Variants in VRK2 observed in about 807,000 individuals in gnomAD.
VRK2 encodes the protein VRK serine/threonine kinase 2.
In VRK2, 60 loss-of-function variants were observed where a neutral mutation model predicts 57.6. The observed-to-expected ratio is 1.04, with a 90% CI of 0.85 to 1.29. The LOEUF (loss-of-function observed/expected upper bound fraction) is 1.29, where lower values mean the gene tolerates loss of function less well. Ranked by LOEUF, VRK2 falls within the 50% of genes most tolerant of loss-of-function variation. The pLI is 0.00. For missense variants in VRK2, 705 were observed against 588.1 expected (o/e 1.20, Z -2.06); for synonymous variants, 231 against 199.2 (o/e 1.16, Z -1.35).
At chr2:57,988,224 C>T (rs1213038056) in intron 1 of VRK2, among the ~76,000 whole-genome samples, 1 of 152,178 alleles carries the variant, frequency 6.6e-6, no homozygotes, top group African/African-American at 2.4e-5. Flanking sequence ...TTTATGTTTT[C>T]TCTTCCATTT....
chr2:58,053,033 A>G (rs1332742314), intron 2 of VRK2, among the ~76,000 whole-genome samples: 1 of 152,224 alleles, frequency 6.6e-6, no homozygotes, highest in Non-Finnish European at 1.5e-5. Context: ...TGTCAAGCAC[A>G]GAATAGATGT....
rs542058052 is a variant in VRK2, at chr2:57,954,870, T to C, written c.-439+47031T>C. On this transcript the variant is annotated intron_variant, in intron 1 of 15. Transcript: ENST00000417641. ...AATTTTTACACAAAAGTCAGCAACA[T>C]AGAAAGATAGAATCTCACAGAAAAA... 7.2e-5 allele frequency among the ~76,000 whole-genome samples: 11 copies of C among 152,182 alleles called. No individual in the cohort carries two copies. In the South Asian group the frequency reaches 2.1e-3, roughly 29 times the overall value.
chr2:58,083,924 C>T (rs547898123), intron 2 of VRK2, among the ~76,000 whole-genome samples, 165 bp from the exon 3 acceptor site: 1 of 151,864 alleles, frequency 6.6e-6, no homozygotes, highest in African/African-American at 2.4e-5. Context: ...TCAGTAGCAT[C>T]TTGTATAAAA....
intron 2 of VRK2, among the ~76,000 whole-genome samples, chr2:58,049,511 T>C (rs1294878784): frequency 1.3e-5 from 2 of 152,160 alleles, no homozygotes; most frequent in South Asian, 2.1e-4. Context: ...CTCAAAATTA[T>C]TTTCTGTGAT....
chr2:58,149,425 TTTA>T (rs1342995213), intron 12 of VRK2, among the ~76,000 whole-genome samples: 6 of 151,758 alleles, frequency 4.0e-5, no homozygotes, highest in Admixed American at 3.9e-4. Flanking sequence ...TCCAATAGGT[TTTA>T]TTATTTTTTA....
intron 8 of VRK2, among the ~76,000 whole-genome samples, chr2:58,129,696 C>G (rs1297639774): frequency 6.6e-6 from 1 of 152,126 alleles, no homozygotes; most frequent in Non-Finnish European, 1.5e-5. Context: ...CAATCATTGG[C>G]AAAGTCTAAG....
At chr2:58,150,404 C>A (rs1408311944) in intron 12 of VRK2, among the ~76,000 whole-genome samples, 2 of 151,246 alleles carry the variant, frequency 1.3e-5, no homozygotes, top group African/African-American at 2.4e-5. Flanking sequence ...TTAGGATATT[C>A]TTTATTTTCC....
intron 1 of VRK2, among the ~76,000 whole-genome samples, chr2:58,025,179 T>TA (rs1230826440): frequency 2.0e-5 from 3 of 152,150 alleles, no homozygotes; most frequent in Non-Finnish European, 4.4e-5. Flanking sequence ...TATTCCAAGA[T>TA]ATGTGACCTT....
intron 1 of VRK2, among the ~76,000 whole-genome samples, chr2:57,991,817 G>A (rs1012591465): frequency 2.0e-5 from 3 of 151,692 alleles, no homozygotes; most frequent in African/African-American, 7.3e-5. Flanking sequence ...AATTATCTGG[G>A]CGTGGTGGCG....
intron 1 of VRK2, among the ~76,000 whole-genome samples, chr2:57,998,665 T>C (rs1359248040): frequency 6.6e-6 from 1 of 152,216 alleles, no homozygotes; most frequent in Non-Finnish European, 1.5e-5. Context: ...ATAAGTTATA[T>C]CTATATGGCA....
intron 2 of VRK2, among the ~76,000 whole-genome samples, chr2:58,059,053 G>A (rs1301832051): frequency 1.3e-5 from 2 of 152,004 alleles, no homozygotes; most frequent in African/African-American, 4.8e-5. Context: ...GCTAATAATG[G>A]TGTCATTTTC....
At chr2:58,048,721 G>A in intron 1 of VRK2, 106 bp from the exon 2 acceptor site, 1 of 1,505,510 alleles carries the variant, frequency 6.6e-7, no homozygotes, top group Non-Finnish European at 8.9e-7. Flanking sequence ...TAATTTCTGG[G>A]AACCTGGGAA....
At chr2:58,062,493 G>C (rs1330801803) in intron 2 of VRK2, among the ~76,000 whole-genome samples, 1 of 152,062 alleles carries the variant, frequency 6.6e-6, no homozygotes, top group Non-Finnish European at 1.5e-5. Flanking sequence ...TAAAGGCTAG[G>C]CCTCTTAAAC....
intron 1 of VRK2, among the ~76,000 whole-genome samples, chr2:57,923,032 T>C (rs1353342035): frequency 6.6e-6 from 1 of 152,098 alleles, no homozygotes; most frequent in East Asian, 1.9e-4. Flanking sequence ...TCCATCCATG[T>C]TGTTGCAAAT....
chr2:57,990,118 C>T (rs976432279), intron 1 of VRK2, among the ~76,000 whole-genome samples: 3 of 152,278 alleles, frequency 2.0e-5, no homozygotes, highest in African/African-American at 4.8e-5. Flanking sequence ...TTGACCTTGG[C>T]CATCCTCTGG....
At chr2:57,968,179 T>C (rs1376829766) in intron 1 of VRK2, among the ~76,000 whole-genome samples, 1 of 152,000 alleles carries the variant, frequency 6.6e-6, no homozygotes, top group African/African-American at 2.4e-5. Flanking sequence ...ATTATCAGTG[T>C]GTAGAACAAA....
intron 1 of VRK2, among the ~76,000 whole-genome samples, chr2:57,916,910 C>T (rs1670175279): frequency 6.6e-6 from 1 of 152,140 alleles, no homozygotes; most frequent in Non-Finnish European, 1.5e-5. Flanking sequence ...GTATCTGCTT[C>T]ATAAGGCTGT....
intron 11 of VRK2, among the ~76,000 whole-genome samples, chr2:58,143,258 A>C (rs1681602373): frequency 6.6e-6 from 1 of 151,962 alleles, no homozygotes; most frequent in African/African-American, 2.4e-5. Context: ...AACAGTGTGA[A>C]GTTCCAATGG....
At chr2:58,078,978 T>G (rs563956603) in intron 2 of VRK2, among the ~76,000 whole-genome samples, 14 of 152,290 alleles carry the variant, frequency 9.2e-5, no homozygotes, top group African/African-American at 3.1e-4. Flanking sequence ...GAGCTGATTT[T>G]GCCCATTTTT....
Sources: gnomAD v4.1 joint callset for allele counts (sites outside exome capture counted in the v4.1 genomes callset) on GRCh38, gnomAD v4.1.1 for gene constraint, MANE v1.5 for transcripts, NCBI Gene and HGNC (gene_info 2026-07-23, HGNC 2026-07-21) for gene names.